The following ADAMTS19 variants were observed in gnomAD, a reference collection of about 807,000 sequenced individuals.
The protein encoded by ADAMTS19 is A disintegrin and metalloproteinase with thrombospondin motifs 19.
Under a neutral mutation model 153.3 loss-of-function variants are expected in ADAMTS19, and 93 were observed. The ratio of observed to expected loss-of-function variants is 0.61; its 90% CI spans 0.51 to 0.72. ADAMTS19 has a LOEUF of 0.72. Among genes scored for constraint, ADAMTS19 ranks in the 30% least tolerant of loss-of-function variants. The pLI is 0.00. For synonymous variants in ADAMTS19, 600 were observed against 556.6 expected (o/e 1.08, Z -1.10); for missense variants, 1,482 against 1,552.1 (o/e 0.95, Z 0.76).
At chr5:129,560,776 T>C (rs7447262) in intron 7 of ADAMTS19, among the ~76,000 whole-genome samples, 127,092 of 152,072 alleles carry the variant, frequency 0.84, 53,354 homozygotes, top group Non-Finnish European at 0.88. Context: ...GTCACACAAT[T>C]CAGTTTGCTC....
intron 7 of ADAMTS19, among the ~76,000 whole-genome samples, chr5:129,579,795 A>G (rs543466035): frequency 1.1e-4 from 17 of 152,136 alleles, no homozygotes; most frequent in Non-Finnish European, 1.9e-4. Flanking sequence ...GTTGGTCTAT[A>G]TATCTGTTTT....
chr5:129,547,519 C>T (rs1752904925), intron 6 of ADAMTS19, among the ~76,000 whole-genome samples: 1 of 150,244 alleles, frequency 6.7e-6, no homozygotes. Flanking sequence ...TTTAATGTTA[C>T]TTTCAAAGTA....
intron 16 of ADAMTS19, among the ~76,000 whole-genome samples, chr5:129,669,088 G>GTATGTA (rs1554104449): frequency 1.2e-4 from 18 of 149,138 alleles, no homozygotes; most frequent in African/African-American, 4.4e-4. Context: ...ATATATATGT[G>GTATGTA]TATATATATA....
intron 14 of ADAMTS19, among the ~76,000 whole-genome samples, chr5:129,657,900 A>G (rs900631514): frequency 7.2e-5 from 11 of 152,176 alleles, no homozygotes; most frequent in Non-Finnish European, 1.6e-4. Flanking sequence ...TTTAATAGAA[A>G]TGTGATTTCC....
At chr5:129,584,507 A>G (rs1000109288) in intron 7 of ADAMTS19, among the ~76,000 whole-genome samples, 4 of 152,130 alleles carry the variant, frequency 2.6e-5, no homozygotes, top group African/African-American at 9.7e-5. Context: ...CCGCCCCTTC[A>G]CCCAGGTGCT....
chr5:129,734,781 G>A, intron 21 of ADAMTS19, 151 bp from the exon 22 acceptor site: 2 of 651,210 alleles, frequency 3.1e-6, no homozygotes, highest in Non-Finnish European at 4.8e-6. Context: ...GAGCATCAAT[G>A]TTTCTGACCC....
chr5:129,688,108 T>G (rs1240277235), intron 18 of ADAMTS19: 1 of 152,152 alleles, frequency 6.6e-6, no homozygotes, highest in African/African-American at 2.4e-5. Context: ...ATAAATAAAG[T>G]GGATGGACAG....
At chr5:129,582,345 T>C (rs556623600) in intron 7 of ADAMTS19, among the ~76,000 whole-genome samples, 1 of 151,918 alleles carries the variant, frequency 6.6e-6, no homozygotes, top group Non-Finnish European at 1.5e-5. Flanking sequence ...TTTACCATTA[T>C]GTAATGCCCT....
chr5:129,574,191 T>C (rs1486539094), intron 7 of ADAMTS19, among the ~76,000 whole-genome samples: 1 of 152,140 alleles, frequency 6.6e-6, no homozygotes, highest in African/African-American at 2.4e-5. Flanking sequence ...GCTTGAAATA[T>C]GTGTCTAAAT....
intron 16 of ADAMTS19, among the ~76,000 whole-genome samples, chr5:129,665,794 G>A (rs1307966946): frequency 6.6e-6 from 1 of 151,130 alleles, no homozygotes; most frequent in Non-Finnish European, 1.5e-5. Flanking sequence ...TTTTTGAGGG[G>A]TAAAAATTGC....
At chr5:129,560,684 A>C (rs1453642763) in intron 7 of ADAMTS19, among the ~76,000 whole-genome samples, 1 of 152,240 alleles carries the variant, frequency 6.6e-6, no homozygotes, top group Non-Finnish European at 1.5e-5. Context: ...TAGAATTTCA[A>C]GGAAAACTTT....
At chr5:129,516,421 A>G (rs1003535202) in intron 3 of ADAMTS19, among the ~76,000 whole-genome samples, 2 of 151,742 alleles carry the variant, frequency 1.3e-5, no homozygotes, top group African/African-American at 2.4e-5. Flanking sequence ...CAGTGAAGCC[A>G]TAGGGTCCTG....
rs1008604255 is a variant in ADAMTS19, at chr5:129,663,452, A to G, written c.2426-2047A>G. On this transcript the variant is annotated intron_variant, in intron 15 of 22. Coordinates refer to ENST00000274487, the MANE Select transcript of ADAMTS19 (RefSeq NM_133638.6). ...TTGTTAGATACAAATTGCAAAGCCA[A>G]ATTTATTCAGTTATTACCAAAACTA... is the stretch of plus-strand genomic sequence containing the variant. Among the ~76,000 whole-genome samples the G allele has an allele frequency of 1.1e-3, 170 of 152,334 alleles. 1 individual carries two copies. The highest frequency in any genetic ancestry group is 4.0e-3 in the African/African-American group (166 of 41,588).
intron 15 of ADAMTS19, among the ~76,000 whole-genome samples, chr5:129,662,842 A>T (rs1753870474): frequency 1.3e-5 from 2 of 149,136 alleles, no homozygotes; most frequent in African/African-American, 5.0e-5. Flanking sequence ...ATAGGGTCCC[A>T]CTTCCCAAAA....
intron 7 of ADAMTS19, among the ~76,000 whole-genome samples, chr5:129,590,445 A>G (rs1750068234): frequency 6.6e-6 from 1 of 152,130 alleles, no homozygotes; most frequent in South Asian, 2.1e-4. Flanking sequence ...ACAATATTCT[A>G]TCTTATTTGA....
chr5:129,503,920 C>G (rs768143963), intron 2 of ADAMTS19, among the ~76,000 whole-genome samples: 1 of 152,090 alleles, frequency 6.6e-6, no homozygotes, highest in African/African-American at 2.4e-5. Context: ...GATTCTAAAG[C>G]CTTTAAGCAA....
chr5:129,583,613 T>G (rs1042067817), intron 7 of ADAMTS19, among the ~76,000 whole-genome samples: 5 of 151,998 alleles, frequency 3.3e-5, no homozygotes, highest in Admixed American at 6.6e-5. Flanking sequence ...TCATTCCTTT[T>G]CATTCCTTTT....
At position 129,684,028 on chromosome 5, in the gene ADAMTS19, G is replaced by C; in HGVS notation, c.2665-92G>C. 3.7e-6 allele frequency: 5 copies of C among 1,351,732 alleles called. No homozygotes were observed. In the South Asian group the frequency reaches 4.6e-5, roughly 12 times the overall value. The allele number at this position is 1,351,732 out of a possible 1,614,324, so 83.7% of individuals were successfully genotyped here. On this transcript the variant is annotated intron_variant, in intron 17 of 22. Transcript: ENST00000274487. ...CAACAAAATGCACACAACACAATGA[G>C]CATTTTAAGTATCAATATTGTTAAT...
chr5:129,491,689 C>T (rs1006914804), intron 2 of ADAMTS19, among the ~76,000 whole-genome samples: 1 of 152,158 alleles, frequency 6.6e-6, no homozygotes, highest in Non-Finnish European at 1.5e-5. Flanking sequence ...AATTTGATAA[C>T]ACTATCCAAT....
Sources: allele counts gnomAD v4.1 joint callset (sites outside exome capture counted in the v4.1 genomes callset), GRCh38; gene constraint gnomAD v4.1.1; transcripts MANE v1.5; gene names NCBI Gene and HGNC (gene_info 2026-07-23, HGNC 2026-07-21).